GVQW3: variants seen among roughly 807,000 people sequenced by gnomAD.
GVQW3 encodes protein GVQW3.
Under a neutral mutation model 12.5 loss-of-function variants are expected in GVQW3, and 7 were observed. The observed-to-expected ratio is 0.56, with a 90% CI of 0.32 to 1.05. GVQW3 has a LOEUF of 1.05. Among genes scored for constraint, GVQW3 ranks in the 50% least tolerant of loss-of-function variants. The probability of loss-of-function intolerance (pLI) is 0.04; values close to 1 mark genes in which losing one functional copy is unlikely to be tolerated. For synonymous variants in GVQW3, 71 were observed against 67.2 expected, an observed-to-expected ratio of 1.06 and a Z score of -0.28; for missense variants, 188 against 190.8, an observed-to-expected ratio of 0.99 and a Z score of 0.09.
intron 1 of GVQW3, among the ~76,000 whole-genome samples, chr11:76,401,400 C>T (rs955108134): frequency 6.6e-6 from 1 of 151,934 alleles, no homozygotes; most frequent in African/African-American, 2.4e-5. Flanking sequence ...TTTTGATTTG[C>T]TTCAGCCTAA....
intron 1 of GVQW3, chr11:76,383,186 A>T (rs893767816): frequency 6.6e-6 from 1 of 152,276 alleles, no homozygotes; most frequent in Admixed American, 6.5e-5. Flanking sequence ...TTGTGTGGGG[A>T]GGAAGACCAG....
chr11:76,386,642 G>T (rs1469330432), intron 1 of GVQW3, among the ~76,000 whole-genome samples: 2 of 152,164 alleles, frequency 1.3e-5, no homozygotes, highest in African/African-American at 4.8e-5. Flanking sequence ...TTGGGTCTCA[G>T]CAAGGTCCCA....
downstream of GVQW3, among the ~76,000 whole-genome samples, chr11:76,410,445 T>TC (rs1947072424): frequency 6.6e-6 from 1 of 151,926 alleles, no homozygotes; most frequent in Non-Finnish European, 1.5e-5. Context: ...TTTTTTTTTT[T>TC]ACTTCATTCT....
chr11:76,412,913 C>CTTCT (rs1947091123), downstream of GVQW3: 2 of 152,228 alleles, frequency 1.3e-5, no homozygotes, highest in African/African-American at 4.8e-5. Context: ...AAGCTAGCTT[C>CTTCT]TTCTTTATGA....
intron 1 of GVQW3, among the ~76,000 whole-genome samples, chr11:76,399,749 A>G (rs1465947022): frequency 6.6e-6 from 1 of 152,150 alleles, no homozygotes; most frequent in East Asian, 1.9e-4. Context: ...CTGCTGGGAC[A>G]TCAGTCTTTT....
downstream of GVQW3, among the ~76,000 whole-genome samples, chr11:76,409,871 G>C (rs59291635): frequency 6.6e-6 from 1 of 152,140 alleles, no homozygotes; most frequent in Non-Finnish European, 1.5e-5. Context: ...TTATTGATCA[G>C]TGCCAGGCCC....
chr11:76,414,490 A>G (rs1055694957), exon 2 of GVQW3: 3 of 150,682 alleles, frequency 2.0e-5, no homozygotes, highest in African/African-American at 4.9e-5. Context: ...TTCCTCTCTC[A>G]CTCTTTGCAC....
chr11:76,389,044 T>G (rs926709103), intron 1 of GVQW3, among the ~76,000 whole-genome samples: 1 of 152,190 alleles, frequency 6.6e-6, no homozygotes, highest in Non-Finnish European at 1.5e-5. Flanking sequence ...GTGGGCAAAA[T>G]CAAGGCTTGA....
downstream of GVQW3, chr11:76,408,241 A>G (rs1212388552): frequency 6.6e-6 from 1 of 152,226 alleles, no homozygotes; most frequent in Admixed American, 6.5e-5. Flanking sequence ...AGTAAGAGCT[A>G]TCACGGAGGT....
chr11:76,399,459 C>T (rs1264915811), intron 1 of GVQW3, among the ~76,000 whole-genome samples: 8 of 152,162 alleles, frequency 5.3e-5, no homozygotes, highest in Admixed American at 2.6e-4. Context: ...TTGCTGTCTT[C>T]GTATGTTTCT....
chr11:76,406,419 G>T lies in GVQW3; in HGVS notation c.*2661G>T, dbSNP rs1947039564. 6.6e-6 allele frequency: 1 copy of T among 152,208 alleles called. No homozygotes were observed. The highest frequency in any genetic ancestry group is 2.4e-5 in the African/African-American group (1 of 41,428). 9.4% of individuals were successfully genotyped at this position (152,208 alleles called of 1,614,324 possible). ...CACTTTGGAATGGTCAGGCTAGAAG[G>T]TTCAGCCTTTATTCTGATGATGCCA... On this transcript the variant is annotated 3_prime_UTR_variant, in exon 2 of 2. Transcript: ENST00000529331.
chr11:76,385,555 A>G (rs1946824994), intron 1 of GVQW3, among the ~76,000 whole-genome samples: 1 of 152,124 alleles, frequency 6.6e-6, no homozygotes, highest in Non-Finnish European at 1.5e-5. Context: ...CCTGGGTCAC[A>G]TCTTCAGTAG....
chr11:76,400,081 T>TA (rs1247856665), intron 1 of GVQW3, among the ~76,000 whole-genome samples: 2 of 151,548 alleles, frequency 1.3e-5, no homozygotes, highest in African/African-American at 4.9e-5. Context: ...CCTGTTTCTC[T>TA]AAAGAACCCC....
chr11:76,387,758 C>CA (rs1034708294), intron 1 of GVQW3, among the ~76,000 whole-genome samples: 2 of 151,850 alleles, frequency 1.3e-5, no homozygotes, highest in African/African-American at 4.8e-5. Flanking sequence ...CCCATCTCTA[C>CA]AAAAAAATAC....
rs966850632 is a variant in GVQW3 at position 76,396,664 on chromosome 11, C to A, written c.466-6996C>A. The stretch of plus-strand genomic sequence containing the variant: ...GTGTTTATTTAGATTTATAAACCTG[C>A]ATACCGGCTTCGTTGCCTATCTTTC... On this transcript the variant is annotated intron_variant, in intron 1 of 1. Transcript: ENST00000529331. Among the ~76,000 whole-genome samples the A allele has an allele frequency of 2.6e-5, 4 of 152,264 alleles. No individual in the cohort carries two copies. The East Asian group carries it at 7.7e-4, about 29-fold the overall frequency.
At chr11:76,397,874 C>T (rs1360281821) in intron 1 of GVQW3, among the ~76,000 whole-genome samples, 1 of 152,064 alleles carries the variant, frequency 6.6e-6, no homozygotes, top group Non-Finnish European at 1.5e-5. Flanking sequence ...GTGGCTTATG[C>T]CTGTAATTCC....
chr11:76,403,727 G>A lies in GVQW3; in HGVS notation c.533G>A (p.Trp178Ter). The A allele has an allele frequency of 2.0e-6, 1 of 488,642 alleles. No individual in the cohort carries two copies. Among genetic ancestry groups the A allele is most frequent in the Non-Finnish European group, 3.7e-6 (1 of 271,498 alleles). 30.3% of individuals were successfully genotyped at this position (488,642 alleles called of 1,614,324 possible). ...TTGTCTCAAGGGATCCTCCCACCTTGGCCTCCCAAAGCTCTGGGATTATCA... is the reference window on the plus strand; with the variant it reads ...TTGTCTCAAGGGATCCTCCCACCTTAGCCTCCCAAAGCTCTGGGATTATCA... ...NSLSQGILPPWPPKALGLSA is the reference protein window; with the variant it reads ...NSLSQGILPP Residue 178 changes from tryptophan to a stop codon, truncating the protein, a stop_gained, in exon 2 of 2, where the codon TGG (tryptophan) becomes TAG (stop). Coordinates refer to ENST00000529331, the MANE Select transcript of GVQW3 (RefSeq NM_001347885.2). LOFTEE classifies it high-confidence loss of function.
At chr11:76,391,527 C>T (rs1342974490) in intron 1 of GVQW3, among the ~76,000 whole-genome samples, 6 of 152,168 alleles carry the variant, frequency 3.9e-5, no homozygotes, top group East Asian at 3.8e-4. Context: ...TAATGGTTTG[C>T]GGTTTTGATA....
intron 1 of GVQW3, among the ~76,000 whole-genome samples, chr11:76,399,596 T>C (rs1322404902): frequency 6.6e-6 from 1 of 152,182 alleles, no homozygotes; most frequent in Non-Finnish European, 1.5e-5. Flanking sequence ...TGTTTCTGGA[T>C]GCGTTAACAT....
Sources: gnomAD v4.1 joint callset for allele counts (sites outside exome capture counted in the v4.1 genomes callset) on GRCh38, gnomAD v4.1.1 for gene constraint, MANE v1.5 for transcripts, NCBI Gene and HGNC (gene_info 2026-07-23, HGNC 2026-07-21) for gene names.